The following ADPGK variants were observed in gnomAD, a reference collection of about 807,000 sequenced individuals.
The protein encoded by ADPGK is ADP-dependent glucokinase.
Under a neutral mutation model 42.4 loss-of-function variants are expected in ADPGK, and 26 were observed. That is an observed-to-expected ratio of 0.61 (90% confidence interval 0.45 to 0.85). The LOEUF (loss-of-function observed/expected upper bound fraction) is 0.85. ADPGK is among the 40% of genes least tolerant of loss of function. ADPGK has a pLI of 0.00. For synonymous variants in ADPGK, 267 were observed against 252.6 expected (o/e 1.06, Z -0.54); for missense variants, 571 against 627.0 (o/e 0.91, Z 0.95).
chr15:72,762,577 T>C (rs77603190), intron 3 of ADPGK, among the ~76,000 whole-genome samples: 2,141 of 152,308 alleles, frequency 0.014, 37 homozygotes, highest in East Asian at 0.036. Flanking sequence ...ACAAGGGCCA[T>C]AGGCCATATT....
chr15:72,775,105 G>A lies in ADPGK; in HGVS notation c.234-8C>T, dbSNP rs972159993. 22 of 1,612,202 alleles carry A rather than the reference G, an allele frequency of 1.4e-5. No homozygotes were observed. The highest frequency in any genetic ancestry group is 1.9e-5 in the Non-Finnish European group (22 of 1,178,784). ...TCAACACATGCATTGACTCTAGAAGGAGGAAAAAAACTGTGTGAAAGCAGC... is the reference window on the plus strand; with the variant it reads ...TCAACACATGCATTGACTCTAGAAGAAGGAAAAAAACTGTGTGAAAGCAGC... On this transcript the variant is annotated splice_region_variant and splice_polypyrimidine_tract_variant and intron_variant, in intron 1 of 6. Transcript: ENST00000456471.
chr15:72,752,936 C>A (rs1210531175), intron 6 of ADPGK, 41 bp from the exon 7 acceptor site: 6 of 1,554,700 alleles, frequency 3.9e-6, no homozygotes, highest in Non-Finnish European at 5.2e-6. Flanking sequence ...ATGGAGATAA[C>A]CTGGCTCCTA....
At chr15:72,762,819 C>A (rs949146612) in intron 3 of ADPGK, among the ~76,000 whole-genome samples, 2 of 151,872 alleles carry the variant, frequency 1.3e-5, no homozygotes, top group African/African-American at 4.8e-5. Flanking sequence ...CTATCTCTAC[C>A]AAAAATACAA....
chr15:72,769,652 T>G (rs767078904), intron 3 of ADPGK, among the ~76,000 whole-genome samples: 2 of 152,214 alleles, frequency 1.3e-5, no homozygotes, highest in Non-Finnish European at 2.9e-5. Flanking sequence ...GCACGGTTCC[T>G]CTCCTGAAAT....
chr15:72,754,205 G>A (rs1050601907), intron 6 of ADPGK, among the ~76,000 whole-genome samples: 4 of 152,020 alleles, frequency 2.6e-5, no homozygotes, highest in African/African-American at 9.7e-5. Flanking sequence ...CAGATAGGGA[G>A]GGCCAACTTG....
intron 3 of ADPGK, among the ~76,000 whole-genome samples, chr15:72,764,764 T>G (rs933966620): frequency 6.6e-6 from 1 of 152,294 alleles, no homozygotes; most frequent in Non-Finnish European, 1.5e-5. Flanking sequence ...TAGAAGTCAA[T>G]GCCTACCTTC....
chr15:72,761,949 G>A (rs1273540960), intron 3 of ADPGK, among the ~76,000 whole-genome samples: 3 of 152,016 alleles, frequency 2.0e-5, no homozygotes, highest in Non-Finnish European at 4.4e-5. Context: ...TCGGCTCACT[G>A]CAATCTCCAC....
Position 72,751,998 on chromosome 15 carries a change from C to T in ADPGK, c.*343G>A. 4.0e-6 allele frequency: 1 copy of T among 250,186 alleles called. No homozygotes were observed. 15.5% of individuals were successfully genotyped at this position (250,186 alleles called of 1,614,324 possible). A position where few individuals can be genotyped will look rare whatever the true frequency, so the allele number is the denominator to read the frequency against. On this transcript the variant is annotated 3_prime_UTR_variant, in exon 7 of 7. Coordinates refer to ENST00000456471, the MANE Select transcript of ADPGK (RefSeq NM_001365225.1). The stretch of plus-strand genomic sequence containing the variant: ...CCAGGATGTTGGGTGAGTGGGCGTG[C>T]ACTTCTCAAGTGGGCAAGGAAGAAC...
chr15:72,776,481 T>C (rs939028807), intron 1 of ADPGK, among the ~76,000 whole-genome samples: 2 of 152,196 alleles, frequency 1.3e-5, no homozygotes, highest in African/African-American at 2.4e-5. Flanking sequence ...TTAATAAAAA[T>C]GTCCCAATGG....
intron 1 of ADPGK, 80 bp from the exon 2 acceptor site, chr15:72,775,177 CT>C (rs776384879): frequency 2.0e-5 from 24 of 1,229,256 alleles, no homozygotes; most frequent in Non-Finnish European, 7.0e-6. Context: ...GAAAATGTTT[CT>C]CAGAACCTTA....
chr15:72,756,745 A>C (rs1164929397), intron 4 of ADPGK: 1 of 436,296 alleles, frequency 2.3e-6, no homozygotes, highest in Non-Finnish European at 4.2e-6. Flanking sequence ...CAAACACAGG[A>C]GAGACAGTAC....
At position 72,752,060 on chromosome 15, in the gene ADPGK, A is replaced by T. The variant is rs2066052386; in HGVS notation, c.*281T>A. 3 of 395,116 alleles carry T rather than the reference A, an allele frequency of 7.6e-6. No individual in the cohort carries two copies. Among genetic ancestry groups the T allele is most frequent in the Non-Finnish European group, 1.4e-5 (3 of 218,128 alleles). 24.5% of individuals were successfully genotyped at this position (395,116 alleles called of 1,614,324 possible). A position where few individuals can be genotyped will look rare whatever the true frequency, so the allele number is the denominator to read the frequency against. The stretch of plus-strand genomic sequence containing the variant: ...AGCTGACATGCTCTCAGGGGTGAAG[A>T]AGTTTAGCTTAAAATACCTGATGGC... On this transcript the variant is annotated 3_prime_UTR_variant, in exon 7 of 7. Transcript: ENST00000456471.
rs2066100379 is a variant in ADPGK at position 72,755,543 on chromosome 15, C to T, written c.939+13G>A. 1 of 1,599,522 alleles carries T rather than the reference C, an allele frequency of 6.3e-7. No individual in the cohort carries two copies. Among genetic ancestry groups the T allele is most frequent in the South Asian group, 1.1e-5 (1 of 90,600 alleles). ...ATGAGGATCAGGGCCAAACGATGGT[C>T]CCATGAGGTTACCTGATGGACAATG... On this transcript the variant is annotated intron_variant, in intron 6 of 6. Coordinates refer to ENST00000456471, the MANE Select transcript of ADPGK (RefSeq NM_001365225.1).
intron 4 of ADPGK, chr15:72,757,881 C>T (rs4777534): frequency 0.31 from 167,621 of 543,726 alleles, 31,360 homozygotes; most frequent in East Asian, 0.77. Flanking sequence ...TGAAAATACA[C>T]TGATTTCTTC....
chr15:72,754,726 G>T (rs1012904277), intron 6 of ADPGK, among the ~76,000 whole-genome samples: 3 of 152,114 alleles, frequency 2.0e-5, no homozygotes, highest in Non-Finnish European at 4.4e-5. Flanking sequence ...AAAGACAGAG[G>T]ATACTCTCCA....
intron 3 of ADPGK, among the ~76,000 whole-genome samples, chr15:72,764,996 GAAA>G (rs56080191): frequency 4.4e-5 from 6 of 136,598 alleles, no homozygotes; most frequent in African/African-American, 5.5e-5. Flanking sequence ...CTACTGCTCA[GAAA>G]AAAAAAAAAA....
intron 1 of ADPGK, among the ~76,000 whole-genome samples, chr15:72,780,189 T>TAA (rs1334261467): frequency 1.1e-4 from 17 of 152,332 alleles, no homozygotes; most frequent in South Asian, 4.1e-4. Flanking sequence ...GAGGTTTAAT[T>TAA]GACTTACAGT....
chr15:72,775,066 C>G lies in ADPGK; in HGVS notation c.265G>C (p.Gly89Arg). The G allele has an allele frequency of 6.2e-7, 1 of 1,614,144 alleles. No individual in the cohort carries two copies. The highest frequency in any genetic ancestry group is 8.5e-7 in the Non-Finnish European group (1 of 1,180,016). ...VNACVDVVLS[G>R]VKLLQALGLS... ...CCAAGTGCCTGCAAGAGCTTCACCCCTGAGAGCACCACATCAACACATGCA... is the reference window on the plus strand; with the variant it reads ...CCAAGTGCCTGCAAGAGCTTCACCCGTGAGAGCACCACATCAACACATGCA... Residue 89 changes from glycine (G) to arginine (R), a missense_variant, in exon 2 of 7, where the codon GGG becomes CGG. Physicochemically the swap from Gly to Arg is moderately radical, Grantham distance 125 (BLOSUM62 -2). This residue lies in a region of ADPGK where 434 missense variants were observed against 522.7 expected (regional missense o/e 0.83). Coordinates refer to ENST00000456471, the MANE Select transcript of ADPGK (RefSeq NM_001365225.1).
chr15:72,756,755 C>T (rs2066120360), intron 4 of ADPGK: 3 of 394,128 alleles, frequency 7.6e-6, no homozygotes, highest in East Asian at 4.9e-5. Flanking sequence ...AGAGACAGTA[C>T]AGAATGGCAG....
Sources: allele counts gnomAD v4.1 joint callset (sites outside exome capture counted in the v4.1 genomes callset), GRCh38; gene constraint gnomAD v4.1.1; regional missense constraint gnomAD v4.1.1; transcripts MANE v1.5; gene names NCBI Gene and HGNC (gene_info 2026-07-23, HGNC 2026-07-21).